LMBRD1: variants seen among roughly 807,000 people sequenced by gnomAD.
The protein encoded by LMBRD1 is lysosomal cobalamin transport escort protein LMBD1.
A neutral mutation model predicts 74.8 loss-of-function variants in LMBRD1; 64 were observed. That is an observed-to-expected ratio of 0.86 (90% CI 0.70 to 1.05). LMBRD1 has a LOEUF of 1.05. LMBRD1 is among the 50% of genes least tolerant of loss of function. LMBRD1 has a pLI of 0.00. For missense variants in LMBRD1, 652 were observed against 645.9 expected (o/e 1.01, Z -0.10); for synonymous variants, 204 against 216.3 (o/e 0.94, Z 0.50).
intron 3 of LMBRD1, among the ~76,000 whole-genome samples, chr6:69,754,232 T>A (rs1445179895): frequency 6.6e-6 from 1 of 152,138 alleles, no homozygotes; most frequent in Non-Finnish European, 1.5e-5. Flanking sequence ...TGGCTGCATA[T>A]TATGAATATA....
chr6:69,759,345 AC>A (rs1177378546), intron 3 of LMBRD1, among the ~76,000 whole-genome samples: 1 of 152,108 alleles, frequency 6.6e-6, no homozygotes, highest in Admixed American at 6.6e-5. Flanking sequence ...CTTAATACTC[AC>A]ACCTGACAAG....
At chr6:69,711,370 C>T (rs1766379521) in intron 9 of LMBRD1, among the ~76,000 whole-genome samples, 1 of 152,048 alleles carries the variant, frequency 6.6e-6, no homozygotes, top group Admixed American at 6.6e-5. Flanking sequence ...GATGTGGATG[C>T]CCTATCTATC....
Position 69,676,048 on chromosome 6 carries a change from C to G in LMBRD1, c.*110G>C. Reference sequence around the variant, plus strand: ...AAAATATAGTTGTCTTATAGCCATGCTCCCATTTTTGATGAAAGCTAGTTA... The same window carrying G: ...AAAATATAGTTGTCTTATAGCCATGGTCCCATTTTTGATGAAAGCTAGTTA... On this transcript the variant is annotated 3_prime_UTR_variant, in exon 16 of 16. Transcript: ENST00000649934. 1 of 793,950 alleles carries G rather than the reference C, an allele frequency of 1.3e-6. No homozygotes were observed. Among genetic ancestry groups the G allele is most frequent in the East Asian group, 2.7e-5 (1 of 37,590 alleles). 49.2% of individuals were successfully genotyped at this position (793,950 alleles called of 1,614,324 possible).
intron 9 of LMBRD1, among the ~76,000 whole-genome samples, chr6:69,709,848 C>G (rs1383472420): frequency 6.6e-6 from 1 of 151,986 alleles, no homozygotes; most frequent in Non-Finnish European, 1.5e-5. Context: ...TTTTTAAGAC[C>G]TCTACTTTGA....
chr6:69,703,584 A>C (rs1020158530), intron 9 of LMBRD1, among the ~76,000 whole-genome samples: 5 of 152,032 alleles, frequency 3.3e-5, no homozygotes, highest in Non-Finnish European at 7.4e-5. Context: ...AATGTAAAAA[A>C]TACAAATATT....
chr6:69,758,602 T>C (rs541884230), intron 3 of LMBRD1, among the ~76,000 whole-genome samples: 3 of 152,270 alleles, frequency 2.0e-5, no homozygotes, highest in South Asian at 4.1e-4. Flanking sequence ...TCTCATGATG[T>C]TATGGCACTG....
intron 3 of LMBRD1, among the ~76,000 whole-genome samples, chr6:69,772,544 C>T (rs2345564): frequency 3.3e-5 from 5 of 151,786 alleles, no homozygotes; most frequent in Non-Finnish European, 7.4e-5. Context: ...CAAATTCTTA[C>T]GCTACTAGGT....
At chr6:69,713,820 A>G in intron 8 of LMBRD1, 23 bp from the exon 9 acceptor site, 1 of 1,612,866 alleles carries the variant, frequency 6.2e-7, no homozygotes. Flanking sequence ...GAACAAAATA[A>G]AAGTTTTACC....
intron 8 of LMBRD1, among the ~76,000 whole-genome samples, chr6:69,717,198 C>A (rs1246333576): frequency 1.3e-5 from 2 of 152,090 alleles, no homozygotes; most frequent in Non-Finnish European, 2.9e-5. Context: ...CTGTGATAAA[C>A]TCTTATTAGT....
chr6:69,740,683 T>TA (rs1767082540), intron 6 of LMBRD1, among the ~76,000 whole-genome samples: 1 of 152,134 alleles, frequency 6.6e-6, no homozygotes, highest in Admixed American at 6.5e-5. Flanking sequence ...TGTACCTGGG[T>TA]AAAAAGAAAG....
In LMBRD1 at chr6:69,778,641, C is replaced by G. The variant is rs571388343; in HGVS notation, c.307+1853G>C. On this transcript the variant is annotated intron_variant, in intron 3 of 15. Transcript: ENST00000649934. The stretch of plus-strand genomic sequence containing the variant: ...AGTGTCATACAGGTGACAGACCTCC[C>G]CCCCTAAAACTTTGTGTAGAAGTAT... Among the ~76,000 whole-genome samples, 82 of 152,234 alleles carry G rather than the reference C, an allele frequency of 5.4e-4. No homozygotes were observed. In the South Asian group the frequency reaches 6.4e-3, roughly 12 times the overall value.
intron 3 of LMBRD1, among the ~76,000 whole-genome samples, chr6:69,768,874 G>GCC (rs1347555449): frequency 6.6e-6 from 1 of 151,246 alleles, no homozygotes; most frequent in Non-Finnish European, 1.5e-5. Flanking sequence ...TCATTTTAGT[G>GCC]CCCTCTGGTG....
At chr6:69,796,268 C>T (rs1485936855) in intron 1 of LMBRD1, among the ~76,000 whole-genome samples, 2 of 152,046 alleles carry the variant, frequency 1.3e-5, no homozygotes, top group South Asian at 2.1e-4. Context: ...GAATGTGACA[C>T]CTGGAAGTCA....
intron 5 of LMBRD1, among the ~76,000 whole-genome samples, chr6:69,744,925 C>T (rs1767185495): frequency 6.6e-6 from 1 of 151,926 alleles, no homozygotes; most frequent in Non-Finnish European, 1.5e-5. Context: ...TCACTGCAAC[C>T]TCTGCCTCCC....
At chr6:69,762,259 T>C (rs1470772132) in intron 3 of LMBRD1, among the ~76,000 whole-genome samples, 1 of 152,182 alleles carries the variant, frequency 6.6e-6, no homozygotes, top group African/African-American at 2.4e-5. Context: ...TTCATTCCTG[T>C]TGGGTAAATT....
At chr6:69,779,621 G>A (rs1765782902) in intron 3 of LMBRD1, among the ~76,000 whole-genome samples, 1 of 152,086 alleles carries the variant, frequency 6.6e-6, no homozygotes. Context: ...AAAAAAACAG[G>A]AGTGGGAAAT....
chr6:69,796,153 C>A (rs1257900490), intron 1 of LMBRD1, among the ~76,000 whole-genome samples: 1 of 152,130 alleles, frequency 6.6e-6, no homozygotes, highest in African/African-American at 2.4e-5. Flanking sequence ...AAAGAAAGCA[C>A]CTGAGGTCAG....
intron 3 of LMBRD1, among the ~76,000 whole-genome samples, chr6:69,774,322 C>T (rs1334753427): frequency 6.6e-6 from 1 of 152,306 alleles, no homozygotes; most frequent in Non-Finnish European, 1.5e-5. Flanking sequence ...CCCATTAAAC[C>T]TCTTTTTCTT....
In LMBRD1 at chr6:69,675,548, T is replaced by C. The variant is rs1765527829; in HGVS notation, c.*610A>G. On this transcript the variant is annotated 3_prime_UTR_variant, in exon 16 of 16. Transcript: ENST00000649934. ...CCTATAACAATATGTATGCCTTAAATACTGTAGAGGTTGTAAGTTATCTAA... is the reference window on the plus strand; with the variant it reads ...CCTATAACAATATGTATGCCTTAAACACTGTAGAGGTTGTAAGTTATCTAA... Among the ~76,000 whole-genome samples, 1 of 152,166 alleles carries C rather than the reference T, an allele frequency of 6.6e-6. No homozygotes were observed. The highest frequency in any genetic ancestry group is 2.4e-5 in the African/African-American group (1 of 41,452).
Sources: gnomAD v4.1 joint callset for allele counts (sites outside exome capture counted in the v4.1 genomes callset) on GRCh38, gnomAD v4.1.1 for gene constraint, MANE v1.5 for transcripts, NCBI Gene and HGNC (gene_info 2026-07-23, HGNC 2026-07-21) for gene names.